The following MX2 variants were observed in gnomAD, a reference collection of about 807,000 sequenced individuals.
The protein encoded by MX2 is interferon-induced GTP-binding protein Mx2.
Under a neutral mutation model 74.0 loss-of-function variants are expected in MX2, and 51 were observed. That is an observed-to-expected ratio of 0.69 (90% confidence interval 0.55 to 0.87). The LOEUF (loss-of-function observed/expected upper bound fraction) is 0.87. Among genes scored for constraint, MX2 ranks in the 40% least tolerant of loss-of-function variants. MX2 has a pLI of 0.00. For synonymous variants in MX2, 369 were observed against 339.3 expected, an observed-to-expected ratio of 1.09 and a Z score of -0.96; for missense variants, 832 against 908.7, an observed-to-expected ratio of 0.92 and a Z score of 1.09.
At chr21:41,394,255 C>A (rs180991671) in intron 6 of MX2, among the ~76,000 whole-genome samples, 24 of 142,492 alleles carry the variant, frequency 1.7e-4, no homozygotes, top group Admixed American at 6.1e-4. Context: ...TGACCTGGCC[C>A]TGCCTGCCTC....
chr21:41,403,713 A>G (rs1320819790), intron 12 of MX2: 3 of 483,204 alleles, frequency 6.2e-6, no homozygotes, highest in Non-Finnish European at 1.3e-5. Context: ...GTTTGACTCA[A>G]AGATGTTGCC....
intron 7 of MX2, 23 bp from the exon 8 acceptor site, chr21:41,397,586 AATGC>A: frequency 6.2e-7 from 1 of 1,603,060 alleles, no homozygotes; most frequent in Non-Finnish European, 8.5e-7. Flanking sequence ...GTCCTTCCTG[AATGC>A]ATGAATGTCT....
chr21:41,390,511 GA>G (rs1162350074), intron 5 of MX2, 53 bp from the exon 6 acceptor site: 21 of 1,608,900 alleles, frequency 1.3e-5, no homozygotes, highest in Non-Finnish European at 1.7e-5. Flanking sequence ...CCGTGCTGCT[GA>G]GTGACCAGAA....
At position 41,399,389 on chromosome 21, in the gene MX2, A is replaced by G. The variant is rs760659551; in HGVS notation, c.1414+52A>G. 4.8e-5 allele frequency: 75 copies of G among 1,571,980 alleles called. No individual in the cohort carries two copies. In the East Asian group the frequency reaches 8.1e-4, roughly 17 times the overall value. ...AAACAGGGTGGTATTTACCCAGACC[A>G]GAGGCTATGTCCAGCACATGATAAG... On this transcript the variant is annotated intron_variant, in intron 10 of 13. Coordinates refer to ENST00000330714, the MANE Select transcript of MX2 (RefSeq NM_002463.2).
Position 41,395,719 on chromosome 21 carries a change from A to G in MX2, c.1004A>G (p.Asn335Ser). 1.9e-6 allele frequency: 3 copies of G among 1,614,218 alleles called. No individual in the cohort carries two copies. The highest frequency in any genetic ancestry group is 1.7e-6 in the Non-Finnish European group (2 of 1,180,042). Residue 335 changes from asparagine to serine, a missense_variant, in exon 7 of 14, where the codon AAC becomes AGC. Coordinates refer to ENST00000330714, the MANE Select transcript of MX2 (RefSeq NM_002463.2). ...TGCCGGGGCCAGCAGGAGATCACAA[A>G]CAGGCTGAGCTTGGCAGAGGCAACC... ...VKCRGQQEIT[N>S]RLSLAEATKK...
intron 5 of MX2, among the ~76,000 whole-genome samples, chr21:41,387,081 G>A (rs1385323361): frequency 6.6e-6 from 1 of 152,154 alleles, no homozygotes; most frequent in Non-Finnish European, 1.5e-5. Context: ...TGCCTTTCTG[G>A]AGTCCCACCA....
chr21:41,378,516 G>T (rs1020952128), intron 3 of MX2, among the ~76,000 whole-genome samples: 1 of 152,208 alleles, frequency 6.6e-6, no homozygotes, highest in Non-Finnish European at 1.5e-5. Context: ...TAAGTTTTAG[G>T]TGACAGGCGA....
chr21:41,387,000 A>C (rs1243173423), intron 5 of MX2, among the ~76,000 whole-genome samples: 1 of 152,238 alleles, frequency 6.6e-6, no homozygotes, highest in Admixed American at 6.5e-5. Context: ...AAACAGAACA[A>C]CAACAACAAC....
chr21:41,399,139 G>A (rs1037489870), intron 9 of MX2, 57 bp from the exon 10 acceptor site: 30 of 1,600,996 alleles, frequency 1.9e-5, no homozygotes, highest in South Asian at 1.4e-4. Context: ...TTGCAACGCC[G>A]GTCCCAGTTC....
chr21:41,397,566 T>A (rs375985045), intron 7 of MX2, 47 bp from the exon 8 acceptor site: 54 of 1,556,404 alleles, frequency 3.5e-5, no homozygotes, highest in Non-Finnish European at 4.3e-5. Context: ...ACTAGCAAGA[T>A]GGTACACAAG....
chr21:41,378,505 A>G (rs2089445098), intron 3 of MX2, among the ~76,000 whole-genome samples: 2 of 152,212 alleles, frequency 1.3e-5, no homozygotes, highest in Non-Finnish European at 1.5e-5. Context: ...TGATAAGTTG[A>G]TAAGTTTTAG....
chr21:41,391,213 T>A (rs1467972241), intron 6 of MX2, among the ~76,000 whole-genome samples: 1 of 151,972 alleles, frequency 6.6e-6, no homozygotes, highest in Non-Finnish European at 1.5e-5. Flanking sequence ...GACCTGAGCA[T>A]GTCAACAAAG....
chr21:41,399,577 T>C (rs999370031), intron 10 of MX2: 24 of 408,784 alleles, frequency 5.9e-5, no homozygotes, highest in African/African-American at 1.2e-4. Flanking sequence ...TTTTGTTTTG[T>C]TTTGTTGAGA....
chr21:41,377,260 C>T, intron 2 of MX2, 105 bp downstream of exon 2: 1 of 1,485,180 alleles, frequency 6.7e-7, no homozygotes, highest in South Asian at 1.3e-5. Flanking sequence ...GTCTGCTCCT[C>T]CAGCACAGCT....
chr21:41,389,281 G>T (rs145125442), intron 5 of MX2, among the ~76,000 whole-genome samples: 2 of 151,968 alleles, frequency 1.3e-5, no homozygotes. Flanking sequence ...TTGGGAGGCC[G>T]AGGTGAGCAG....
Position 41,380,424 on chromosome 21 carries a change from C to T in MX2, c.577+273C>T, listed in dbSNP as rs780535731. ...GTGGCTGGCCTTACCTGTCCTCTCC[C>T]GCTCCCCGCCAGCCCAGGCTTTCTC... On this transcript the variant is annotated intron_variant, in intron 4 of 13. Coordinates refer to ENST00000330714, the MANE Select transcript of MX2 (RefSeq NM_002463.2). This position sits in a 1 kb window ranked among gnomAD's most constrained non-coding sequence, Gnocchi z 4.3. Among the ~76,000 whole-genome samples the T allele has an allele frequency of 6.6e-6, 1 of 152,124 alleles. No individual in the cohort carries two copies. The highest frequency in any genetic ancestry group is 6.5e-5 in the Admixed American group (1 of 15,280).
intron 12 of MX2, chr21:41,404,906 AAAG>A (rs956203832): frequency 2.0e-5 from 3 of 151,664 alleles, no homozygotes; most frequent in African/African-American, 7.3e-5. Context: ...AAGAAAAAAA[AAAG>A]AGAAAGAACA....
intron 2 of MX2, 116 bp downstream of exon 2, chr21:41,377,271 G>GGAGAC: frequency 7.2e-7 from 1 of 1,398,052 alleles, no homozygotes; most frequent in Non-Finnish European, 9.8e-7. Context: ...CAGCACAGCT[G>GGAGAC]ATGTCTCCAG....
chr21:41,383,493 A>G (rs2089526470), intron 5 of MX2, among the ~76,000 whole-genome samples: 1 of 152,272 alleles, frequency 6.6e-6, no homozygotes, highest in Admixed American at 6.5e-5. Flanking sequence ...CAGCCCTGTC[A>G]TGCTTTGGCA....
Sources: allele counts gnomAD v4.1 joint callset (sites outside exome capture counted in the v4.1 genomes callset), GRCh38; gene constraint gnomAD v4.1.1; non-coding constraint Gnocchi (gnomAD v3.1); transcripts MANE v1.5; gene names NCBI Gene and HGNC (gene_info 2026-07-23, HGNC 2026-07-21).